Variants in TCF25 observed in about 807,000 individuals in gnomAD.
TCF25 encodes the protein TCF25 ribosome quality control complex subunit, also known as ribosome quality control complex subunit TCF25.
TCF25 carries 41 observed loss-of-function variants against 83.1 expected under a neutral mutation model. The observed-to-expected ratio is 0.49, with a 90% CI of 0.38 to 0.64. The LOEUF is 0.64. TCF25 is among the 30% of genes least tolerant of loss of function. TCF25 has a pLI of 0.00. For missense variants in TCF25, 979 were observed against 914.5 expected (o/e 1.07, Z -0.91); for synonymous variants, 458 against 365.0 (o/e 1.25, Z -2.90).
intron 12 of TCF25, among the ~76,000 whole-genome samples, chr16:89,901,528 G>A (rs554165895): frequency 1.5e-5 from 2 of 135,174 alleles, no homozygotes; most frequent in Admixed American, 7.3e-5. Flanking sequence ...GGCGGATCAC[G>A]AGGTCAGGAG....
chr16:89,898,747 C>A lies in TCF25; in HGVS notation c.1116-20C>A. The A allele has an allele frequency of 6.2e-7, 1 of 1,613,700 alleles. No homozygotes were observed. Among genetic ancestry groups the A allele is most frequent in the Non-Finnish European group, 8.5e-7 (1 of 1,179,976 alleles). ...TGCCCCTGTTCCCCTTTGCTCTGCTCTCTGTGCTGCCTCCGGAAGTCTCGA... is the reference window on the plus strand; with the variant it reads ...TGCCCCTGTTCCCCTTTGCTCTGCTATCTGTGCTGCCTCCGGAAGTCTCGA... On this transcript the variant is annotated intron_variant, in intron 10 of 17. Transcript: ENST00000263346.
chr16:89,874,091 C>A (rs1188865332), intron 1 of TCF25, among the ~76,000 whole-genome samples: 1 of 38,812 alleles, frequency 2.6e-5, no homozygotes, highest in African/African-American at 1.0e-4. Context: ...GTTCTAACCC[C>A]GGTGAGGTGG....
rs1291300139 is a variant in TCF25, at chr16:89,873,768, C to G, written c.101C>G (p.Ala34Gly). ...TTCGATCTCCGTGATGACGATGACG[C>G]GGAAGAAGAAGGGCCCAAGCGGGAG... ...LHFDLRDDDD[A>G]EEEGPKRELG... is the part of the protein sequence containing the mutation. The change falls in exon 1 of 18, where the codon GCG becomes GGG. Residue 34 changes from alanine to glycine, a missense_variant. By Grantham distance (60) the Ala-to-Gly change is moderately conservative. Transcript: ENST00000263346. 1 of 1,611,058 alleles carries G rather than the reference C, an allele frequency of 6.2e-7. No individual in the cohort carries two copies. Among genetic ancestry groups the G allele is most frequent in the Non-Finnish European group, 8.5e-7 (1 of 1,179,288 alleles).
chr16:89,910,896 C>A (rs2045500714), intron 17 of TCF25, among the ~76,000 whole-genome samples, 184 bp from the exon 18 acceptor site: 1 of 152,238 alleles, frequency 6.6e-6, no homozygotes, highest in Non-Finnish European at 1.5e-5. Flanking sequence ...CCACTCTGTG[C>A]CTGGCTTGGT....
At chr16:89,898,719 C>T (rs188699945) in intron 10 of TCF25, 48 bp from the exon 11 acceptor site, 83 of 1,612,466 alleles carry the variant, frequency 5.1e-5, no homozygotes, top group African/African-American at 4.7e-4. Context: ...CTCAGCCTGA[C>T]GATGCCCCTG....
intron 12 of TCF25, chr16:89,901,020 A>C: frequency 2.2e-6 from 1 of 456,632 alleles, no homozygotes; most frequent in South Asian, 4.3e-5. Flanking sequence ...AGGCATCCCG[A>C]CCCCCGTGGG....
intron 9 of TCF25, among the ~76,000 whole-genome samples, 161 bp from the exon 10 acceptor site, chr16:89,898,396 G>C (rs1368451513): frequency 1.3e-4 from 20 of 148,648 alleles, no homozygotes; most frequent in African/African-American, 4.9e-4. Context: ...GGGGTGGAGC[G>C]GGTGTTGACT....
rs566673171 is a variant in TCF25, at chr16:89,910,713, T to C, written c.1872+50T>C. 17 of 1,582,780 alleles carry C rather than the reference T, an allele frequency of 1.1e-5. No individual in the cohort carries two copies. In the Admixed American group the frequency reaches 2.8e-4, roughly 26 times the overall value. On this transcript the variant is annotated intron_variant, in intron 17 of 17. Transcript: ENST00000263346. ...TGCCTCCCCAGTGGGTGCGGGCATA[T>C]CCATTCCAGTGCGAATGCCTGGAGC...
At chr16:89,904,896 G>A in intron 13 of TCF25, 42 bp from the exon 14 acceptor site, 1 of 1,580,994 alleles carries the variant, frequency 6.3e-7, no homozygotes, top group Non-Finnish European at 8.6e-7. Context: ...GCAGGCTGTG[G>A]TCTGAAGAGG....
At chr16:89,898,086 G>T (rs2044004568) in intron 9 of TCF25, among the ~76,000 whole-genome samples, 1 of 151,668 alleles carries the variant, frequency 6.6e-6, no homozygotes, top group African/African-American at 2.4e-5. Flanking sequence ...TCCAGCCTGG[G>T]TGACAGAGCG....
intron 16 of TCF25, chr16:89,909,675 CA>C (rs570932821): frequency 0.057 from 5,158 of 90,164 alleles, 153 homozygotes; most frequent in African/African-American, 0.12. Context: ...GACTCCATCT[CA>C]AAAAAAAAAA....
chr16:89,887,406 C>G (rs926223565), intron 4 of TCF25, among the ~76,000 whole-genome samples: 3 of 152,212 alleles, frequency 2.0e-5, no homozygotes, highest in African/African-American at 7.2e-5. Context: ...GTGCCACACA[C>G]AGTGCCTCTT....
At chr16:89,879,149 C>T (rs1193557621) in intron 1 of TCF25, among the ~76,000 whole-genome samples, 4 of 150,416 alleles carry the variant, frequency 2.7e-5, no homozygotes, top group African/African-American at 4.9e-5. Context: ...GCCTGTCATA[C>T]GTGCTGTTCG....
At chr16:89,874,156 G>A (rs1250622697) in intron 1 of TCF25, among the ~76,000 whole-genome samples, 1 of 152,026 alleles carries the variant, frequency 6.6e-6, no homozygotes, top group Non-Finnish European at 1.5e-5. Context: ...GACCGAATGG[G>A]CGGGGTTAAG....
chr16:89,903,826 C>G (rs1344610909), intron 12 of TCF25, among the ~76,000 whole-genome samples: 1 of 152,050 alleles, frequency 6.6e-6, no homozygotes, highest in East Asian at 1.9e-4. Context: ...AAAAAAAACC[C>G]AACCCCATGT....
At chr16:89,896,188 C>G in intron 9 of TCF25, 105 bp downstream of exon 9, 1 of 1,013,374 alleles carries the variant, frequency 9.9e-7, no homozygotes, top group Non-Finnish European at 1.5e-6. Flanking sequence ...CCAGGGTGGA[C>G]CAGGGCCCAC....
intron 15 of TCF25, 105 bp from the exon 16 acceptor site, chr16:89,907,138 A>G: frequency 9.1e-7 from 1 of 1,104,926 alleles, no homozygotes; most frequent in Non-Finnish European, 1.4e-6. Context: ...ATCTCTCAGC[A>G]GATGCATCCA....
intron 1 of TCF25, among the ~76,000 whole-genome samples, chr16:89,882,559 A>G (rs1478686376): frequency 6.6e-6 from 1 of 152,112 alleles, no homozygotes. Flanking sequence ...AGAAGGTTTC[A>G]TCGTATGAAT....
intron 1 of TCF25, among the ~76,000 whole-genome samples, chr16:89,875,841 T>G (rs1597247028): frequency 1.5e-5 from 2 of 136,928 alleles, no homozygotes; most frequent in African/African-American, 5.6e-5. Flanking sequence ...TTTTTTTTTT[T>G]TTTTTTTGGT....
Sources: allele counts gnomAD v4.1 joint callset (sites outside exome capture counted in the v4.1 genomes callset), GRCh38; gene constraint gnomAD v4.1.1; transcripts MANE v1.5; gene names NCBI Gene and HGNC (gene_info 2026-07-23, HGNC 2026-07-21).